The following C19orf47 variants were observed in gnomAD, a reference collection of about 807,000 sequenced individuals.
The protein encoded by C19orf47 is uncharacterized protein C19orf47.
In C19orf47, 18 loss-of-function variants were observed where a neutral mutation model predicts 32.3. That is an observed-to-expected ratio of 0.56 (90% CI 0.39 to 0.83). The LOEUF (loss-of-function observed/expected upper bound fraction) is 0.83, where lower values mean the gene tolerates loss of function less well. Ranked by LOEUF, C19orf47 falls within the 40% of genes least tolerant of loss-of-function variation. The pLI, the probability that C19orf47 is intolerant of heterozygous loss-of-function variation, is 0.00. For synonymous variants in C19orf47, 202 were observed against 211.1 expected (o/e 0.96, Z 0.37); for missense variants, 484 against 531.6 (o/e 0.91, Z 0.88).
the C19orf47 span, among the ~76,000 whole-genome samples, chr19:40,306,229 A>G: frequency 6.6e-6 from 1 of 152,010 alleles, no homozygotes; most frequent in Non-Finnish European, 1.5e-5. Context: ...TGAGGTAAAG[A>G]AAGACACATG....
At chr19:40,334,362 T>A (rs556282759) in intron 4 of C19orf47, among the ~76,000 whole-genome samples, 1 of 152,110 alleles carries the variant, frequency 6.6e-6, no homozygotes, top group Admixed American at 6.6e-5. Flanking sequence ...GGTGGTAGGA[T>A]TGCTTGAGCC....
the C19orf47 span, among the ~76,000 whole-genome samples, chr19:40,307,947 G>A: frequency 0.18 from 26,613 of 151,276 alleles, 2,490 homozygotes; most frequent in African/African-American, 0.2. Context: ...ACAGTCACCC[G>A]CCACCACGCC....
chr19:40,333,781 GC>G, intron 5 of C19orf47, 69 bp downstream of exon 5: 1 of 1,268,722 alleles, frequency 7.9e-7, no homozygotes, highest in Non-Finnish European at 1.1e-6. Flanking sequence ...GGATGGGATG[GC>G]CAGACGTGTC....
intron 4 of C19orf47, among the ~76,000 whole-genome samples, chr19:40,334,219 C>T (rs2078013602): frequency 1.3e-5 from 2 of 151,924 alleles, no homozygotes; most frequent in South Asian, 2.1e-4. Context: ...GAGGCCGAAG[C>T]GGGTGGATCA....
intron 8 of C19orf47, 83 bp downstream of exon 8, chr19:40,323,913 CGAGTGAGGTT>C: frequency 6.7e-7 from 1 of 1,498,242 alleles, no homozygotes; most frequent in Non-Finnish European, 9.3e-7. Flanking sequence ...GGCCCTGGGC[CGAGTGAGGTT>C]GAGATGTGTT....
intron 2 of C19orf47, among the ~76,000 whole-genome samples, chr19:40,339,737 C>T (rs1356681503): frequency 6.6e-6 from 1 of 151,828 alleles, no homozygotes; most frequent in Non-Finnish European, 1.5e-5. Context: ...TTTGGGAGGC[C>T]GAGATGGACG....
At chr19:40,336,053 C>T (rs1385460804) in intron 4 of C19orf47, 57 bp downstream of exon 4, 5 of 1,525,078 alleles carry the variant, frequency 3.3e-6, no homozygotes, top group African/African-American at 1.4e-5. Flanking sequence ...GGCTCTGCAA[C>T]TGACCCTCCA....
chr19:40,333,746 T>C, intron 5 of C19orf47, 105 bp downstream of exon 5: 1 of 940,156 alleles, frequency 1.1e-6, no homozygotes, highest in South Asian at 2.0e-5. Context: ...ATGGCTTTGT[T>C]TCTACCTTTG....
the C19orf47 span, among the ~76,000 whole-genome samples, chr19:40,293,727 G>A: frequency 2.3e-4 from 35 of 152,050 alleles, no homozygotes; most frequent in African/African-American, 7.0e-4. Context: ...GCCTCCCAAA[G>A]TGCTGGGATT....
At chr19:40,293,854 C>G in the C19orf47 span, among the ~76,000 whole-genome samples, 1 of 152,082 alleles carries the variant, frequency 6.6e-6, no homozygotes, top group South Asian at 2.1e-4. Context: ...GGCGCAGCGG[C>G]TCATGCCTAT....
downstream of C19orf47, among the ~76,000 whole-genome samples, chr19:40,315,026 A>G (rs951138332): frequency 6.6e-6 from 1 of 152,158 alleles, no homozygotes; most frequent in African/African-American, 2.4e-5. Flanking sequence ...AAAACCAAAG[A>G]AAGTCTGAGC....
chr19:40,332,101 T>A (rs2077966082), intron 5 of C19orf47, among the ~76,000 whole-genome samples: 1 of 151,590 alleles, frequency 6.6e-6, no homozygotes, highest in South Asian at 2.1e-4. Context: ...GTGCAGTGGC[T>A]CATGCCTGCA....
intron 4 of C19orf47, among the ~76,000 whole-genome samples, chr19:40,334,514 G>A (rs188450669): frequency 3.7e-4 from 57 of 152,208 alleles, no homozygotes; most frequent in African/African-American, 1.2e-3. Context: ...TTGAGAGGCC[G>A]GGGCAGGTGG....
chr19:40,321,522 G>A lies in C19orf47; in HGVS notation c.*360C>T. ...AGTTGAGGGGGACAGGGAGGCTGAT[G>A]AGCTGGGGTCTGAGGCAGCAGACCC... is the stretch of plus-strand genomic sequence containing the variant. On this transcript the variant is annotated 3_prime_UTR_variant, in exon 9 of 9. Transcript: ENST00000683109. 1.9e-6 allele frequency: 2 copies of A among 1,048,558 alleles called. No individual in the cohort carries two copies. Among genetic ancestry groups the A allele is most frequent in the Non-Finnish European group, 2.3e-6 (2 of 868,850 alleles). 65.0% of individuals were successfully genotyped at this position (1,048,558 alleles called of 1,614,324 possible). A position where few individuals can be genotyped will look rare whatever the true frequency, so the allele number is the denominator to read the frequency against.
At chr19:40,302,725 C>T in the C19orf47 span, among the ~76,000 whole-genome samples, 1 of 152,110 alleles carries the variant, frequency 6.6e-6, no homozygotes, top group African/African-American at 2.4e-5. Context: ...TTGTTATTTA[C>T]CTGGAAACTT....
At chr19:40,297,530 G>A in the C19orf47 span, among the ~76,000 whole-genome samples, 22 of 152,032 alleles carry the variant, frequency 1.4e-4, no homozygotes, top group Admixed American at 1.3e-4. Context: ...GTGAAAACCT[G>A]TCTTTACTAA....
the C19orf47 span, among the ~76,000 whole-genome samples, chr19:40,306,464 G>A: frequency 2.5e-4 from 38 of 151,920 alleles, no homozygotes; most frequent in South Asian, 6.4e-3. Flanking sequence ...GCGCAGTGGC[G>A]AGATCTCGGC....
rs745899352 is a variant in C19orf47, at chr19:40,328,472, G to T, written c.380C>A (p.Thr127Asn). 46 of 1,612,400 alleles carry T rather than the reference G, an allele frequency of 2.9e-5. No individual in the cohort carries two copies. Among genetic ancestry groups the T allele is most frequent in the Non-Finnish European group, 3.7e-5 (44 of 1,179,284 alleles). The change falls in exon 6 of 9, where the codon ACC (threonine) becomes AAC (asparagine). Residue 127 changes from threonine to asparagine, a missense_variant. Physicochemically the swap from Thr to Asn is moderately conservative, Grantham distance 65. Transcript: ENST00000683109. ...STPPRRPDTSTSKISVTVSNK... is the reference protein window; with the variant it reads ...STPPRRPDTSNSKISVTVSNK... The stretch of plus-strand genomic sequence containing the variant: ...GGACACAGTGACCGAGATCTTGGAG[G>T]TGCTGGTGTCCGGGCGCCTGGGGGG...
chr19:40,306,846 T>C, the C19orf47 span, among the ~76,000 whole-genome samples: 1 of 148,514 alleles, frequency 6.7e-6, no homozygotes, highest in East Asian at 2.0e-4. Context: ...TGGAGTGCAG[T>C]GGTGCGATCT....
Sources: gnomAD v4.1 joint callset for allele counts (sites outside exome capture counted in the v4.1 genomes callset) on GRCh38, gnomAD v4.1.1 for gene constraint, MANE v1.5 for transcripts, NCBI Gene and HGNC (gene_info 2026-07-23, HGNC 2026-07-21) for gene names.